The following SCN8A variants were observed in gnomAD, a reference collection of about 807,000 sequenced individuals.
The protein encoded by SCN8A is sodium channel protein type 8 subunit alpha.
SCN8A carries 30 observed loss-of-function variants against 184.1 expected under a neutral mutation model. The ratio of observed to expected loss-of-function variants is 0.16; its 90% confidence interval spans 0.12 to 0.22. The LOEUF is 0.22. Among genes scored for constraint, SCN8A ranks in the 10% least tolerant of loss-of-function variants. The probability of loss-of-function intolerance (pLI) is 1.00; values close to 1 mark genes in which losing one functional copy is unlikely to be tolerated. For missense variants in SCN8A, 1,057 were observed against 2,498.9 expected (o/e 0.42, Z 12.30); for synonymous variants, 852 against 907.0 (o/e 0.94, Z 1.09).
At chr12:51,645,981 A>G (rs1165249394) in intron 1 of SCN8A, among the ~76,000 whole-genome samples, 1 of 135,116 alleles carries the variant, frequency 7.4e-6, no homozygotes, top group Non-Finnish European at 1.6e-5. Context: ...ATAAAATAAA[A>G]TTAAATAAAA....
At chr12:51,795,423 C>T (rs1487644591) in intron 26 of SCN8A, among the ~76,000 whole-genome samples, 6 of 152,208 alleles carry the variant, frequency 3.9e-5, no homozygotes, top group Admixed American at 3.9e-4. Context: ...AAAACTCAGC[C>T]TTGTTTCCAG....
chr12:51,678,538 G>A (rs1176526636), intron 2 of SCN8A, among the ~76,000 whole-genome samples: 9 of 152,208 alleles, frequency 5.9e-5, no homozygotes, highest in Non-Finnish European at 4.4e-5. Context: ...ACCTGAGTAT[G>A]CCCATCAGGC....
rs576675039 is a variant in SCN8A, at chr12:51,664,576, T to A, written c.276+1483T>A. On this transcript the variant is annotated intron_variant, in intron 2 of 26. Coordinates refer to ENST00000627620, the MANE Select transcript of SCN8A (RefSeq NM_001330260.2). The stretch of plus-strand genomic sequence containing the variant: ...CTACCACAGATAATTTATGGGGAAA[T>A]AAATGAAGAAAAAAACCTTCTCAAA... Among the ~76,000 whole-genome samples the A allele has an allele frequency of 4.7e-3, 720 of 152,264 alleles. 1 individual carries two copies. The highest frequency in any genetic ancestry group is 8.6e-3 in the Non-Finnish European group (585 of 68,010).
At chr12:51,717,038 C>A (rs2138772059) in intron 11 of SCN8A, among the ~76,000 whole-genome samples, 1 of 152,356 alleles carries the variant, frequency 6.6e-6, no homozygotes, top group East Asian at 1.9e-4. Flanking sequence ...CCTGCCTCAT[C>A]CCTTCCTTCC....
chr12:51,608,752 G>C (rs965523817), intron 1 of SCN8A, among the ~76,000 whole-genome samples: 32 of 151,786 alleles, frequency 2.1e-4, no homozygotes, highest in African/African-American at 7.5e-4. Context: ...CTCTGATTTT[G>C]GTTATTTCCT....
At chr12:51,688,451 A>T (rs1435376312) in intron 5 of SCN8A, among the ~76,000 whole-genome samples, 3 of 152,208 alleles carry the variant, frequency 2.0e-5, no homozygotes, top group South Asian at 4.1e-4. Context: ...TAAGTCTTTG[A>T]TACCTCCTGG....
chr12:51,679,719 GCC>G (rs1941292816), intron 2 of SCN8A, among the ~76,000 whole-genome samples: 1 of 110,630 alleles, frequency 9.0e-6, no homozygotes. Context: ...AGACTATCTT[GCC>G]TTTTTTTTTT....
At chr12:51,621,786 C>T (rs1939968760) in intron 1 of SCN8A, among the ~76,000 whole-genome samples, 1 of 152,084 alleles carries the variant, frequency 6.6e-6, no homozygotes, top group Non-Finnish European at 1.5e-5. Context: ...CTGAGTTCTG[C>T]GATGTAGGCA....
intron 11 of SCN8A, among the ~76,000 whole-genome samples, chr12:51,709,410 A>G (rs1941836151): frequency 6.6e-6 from 1 of 152,226 alleles, no homozygotes; most frequent in South Asian, 2.1e-4. Context: ...GGAGTTCAGG[A>G]AAGAAAACGG....
chr12:51,809,125 TGAAG>T lies in SCN8A; in HGVS notation c.*1697_*1700del, dbSNP rs1938809189. The T allele has an allele frequency of 6.6e-6, 1 of 152,234 alleles. No individual in the cohort carries two copies. Among genetic ancestry groups the T allele is most frequent in the Non-Finnish European group, 1.5e-5 (1 of 68,048 alleles). The allele number at this position is 152,234 out of a possible 1,614,324, so 9.4% of individuals were successfully genotyped here. A position where few individuals can be genotyped will look rare whatever the true frequency, so the allele number is the denominator to read the frequency against. ...TGCTTAGCGACCTGCCCATTGTCAT[TGAAG>T]TGTGGCTTCTGGGGGAGCGTCATAT... is the stretch of plus-strand genomic sequence containing the variant. On this transcript the variant is annotated 3_prime_UTR_variant, in exon 27 of 27. Transcript: ENST00000627620.
chr12:51,691,318 T>C (rs1941503647), intron 6 of SCN8A, among the ~76,000 whole-genome samples: 1 of 152,208 alleles, frequency 6.6e-6, no homozygotes, highest in Non-Finnish European at 1.5e-5. Context: ...ATAGCTTCTG[T>C]CTCTGTCTCT....
intron 1 of SCN8A, among the ~76,000 whole-genome samples, chr12:51,645,383 C>T (rs1478738267): frequency 1.3e-5 from 2 of 151,758 alleles, no homozygotes; most frequent in Non-Finnish European, 2.9e-5. Context: ...AGGTGAGGGG[C>T]GCCTCTGCCC....
At position 51,598,504 on chromosome 12, in the gene SCN8A, GA is replaced by G. The variant is rs142875822; in HGVS notation, c.-55+7152del. ...CTGGAGAATATTTTCTTGCTTTATG[GA>G]AAAAAATGTAATATTCTTAAACGTT... On this transcript the variant is annotated intron_variant, in intron 1 of 26. Coordinates refer to ENST00000627620, the MANE Select transcript of SCN8A (RefSeq NM_001330260.2). 8.1e-3 allele frequency among the ~76,000 whole-genome samples: 1,234 copies of G among 151,988 alleles called. 11 individuals carry two copies. The highest frequency in any genetic ancestry group is 0.027 in the African/African-American group (1,115 of 41,472).
At chr12:51,721,264 T>G (rs981044239) in intron 11 of SCN8A, among the ~76,000 whole-genome samples, 2 of 151,558 alleles carry the variant, frequency 1.3e-5, no homozygotes, top group Non-Finnish European at 2.9e-5. Flanking sequence ...TGCTTTACCC[T>G]GGATAAGTTG....
At chr12:51,695,727 A>C (rs1049511404) in intron 6 of SCN8A, among the ~76,000 whole-genome samples, 1 of 151,986 alleles carries the variant, frequency 6.6e-6, no homozygotes, top group African/African-American at 2.4e-5. Context: ...GAATATGGCT[A>C]CCACTTAGCT....
intron 22 of SCN8A, 107 bp from the exon 23 acceptor site, chr12:51,788,588 C>G (rs1938155430): frequency 1.4e-6 from 1 of 710,132 alleles, no homozygotes; most frequent in Non-Finnish European, 2.2e-6. Context: ...CACCCAAACC[C>G]CTGTTCTGTG....
intron 1 of SCN8A, among the ~76,000 whole-genome samples, chr12:51,623,170 T>G (rs1332887808): frequency 2.6e-5 from 4 of 152,208 alleles, no homozygotes; most frequent in African/African-American, 9.6e-5. Context: ...TTCTTTTTAT[T>G]GGAGAAACCA....
intron 1 of SCN8A, among the ~76,000 whole-genome samples, chr12:51,591,824 C>T (rs934176516): frequency 6.6e-6 from 1 of 151,912 alleles, no homozygotes; most frequent in African/African-American, 2.4e-5. Context: ...CATCCTTCTC[C>T]CTCAGCCGGC....
chr12:51,651,682 G>A (rs536357390), intron 1 of SCN8A, among the ~76,000 whole-genome samples: 227 of 152,322 alleles, frequency 1.5e-3, no homozygotes, highest in African/African-American at 5.4e-3. Flanking sequence ...AATTATGAGA[G>A]TACAATTCAA....
Sources: allele counts gnomAD v4.1 joint callset (sites outside exome capture counted in the v4.1 genomes callset), GRCh38; gene constraint gnomAD v4.1.1; transcripts MANE v1.5; gene names NCBI Gene and HGNC (gene_info 2026-07-23, HGNC 2026-07-21).